CTNND2: variants seen among roughly 807,000 people sequenced by gnomAD.
The protein encoded by CTNND2 is catenin delta 2, also known as catenin delta-2.
CTNND2 carries 22 observed loss-of-function variants against 144.4 expected under a neutral mutation model. The observed-to-expected ratio is 0.15, with a 90% CI of 0.11 to 0.22. The LOEUF (loss-of-function observed/expected upper bound fraction) is 0.22, where lower values mean the gene tolerates loss of function less well. Among genes scored for constraint, CTNND2 ranks in the 10% least tolerant of loss-of-function variants. CTNND2 has a pLI of 1.00. For missense variants in CTNND2, 1,353 were observed against 1,618.8 expected, an observed-to-expected ratio of 0.84 and a Z score of 2.82; for synonymous variants, 751 against 695.6, an observed-to-expected ratio of 1.08 and a Z score of -1.25.
At chr5:11,492,523 G>A (rs1769508199) in intron 3 of CTNND2, among the ~76,000 whole-genome samples, 1 of 151,552 alleles carries the variant, frequency 6.6e-6, no homozygotes, top group South Asian at 2.1e-4. Flanking sequence ...GTGTGTGTGT[G>A]TGTGTGTGTG....
chr5:11,811,819 G>A (rs1792350011), intron 1 of CTNND2, among the ~76,000 whole-genome samples: 1 of 152,118 alleles, frequency 6.6e-6, no homozygotes, highest in Non-Finnish European at 1.5e-5. Flanking sequence ...TAGATCTACA[G>A]GTAAGCTGTT....
intron 5 of CTNND2, among the ~76,000 whole-genome samples, chr5:11,404,837 T>C (rs1760959986): frequency 6.6e-6 from 1 of 152,038 alleles, no homozygotes; most frequent in African/African-American, 2.4e-5. Context: ...CTCAAACTAC[T>C]GACCTCAAGT....
At chr5:11,836,654 T>C (rs532311487) in intron 1 of CTNND2, among the ~76,000 whole-genome samples, 1 of 152,214 alleles carries the variant, frequency 6.6e-6, no homozygotes, top group East Asian at 1.9e-4. Context: ...TCTTATCATG[T>C]GCTGATTAGA....
intron 8 of CTNND2, among the ~76,000 whole-genome samples, chr5:11,355,488 C>G (rs1755772255): frequency 6.6e-6 from 1 of 151,944 alleles, no homozygotes; most frequent in Admixed American, 6.6e-5. Flanking sequence ...AAAAAAAACT[C>G]TCAACAAATT....
intron 2 of CTNND2, among the ~76,000 whole-genome samples, chr5:11,578,671 A>C (rs753195903): frequency 2.0e-4 from 16 of 81,734 alleles, no homozygotes; most frequent in Non-Finnish European, 4.1e-4. Context: ...AAATACATGA[A>C]TAAATAAATA....
chr5:11,152,353 T>C (rs1345638705), intron 12 of CTNND2, among the ~76,000 whole-genome samples: 1 of 152,208 alleles, frequency 6.6e-6, no homozygotes, highest in Non-Finnish European at 1.5e-5. Flanking sequence ...TACTTACCAT[T>C]TGTGTTACAA....
chr5:11,295,916 G>C (rs1480438222), intron 9 of CTNND2, among the ~76,000 whole-genome samples: 1 of 152,062 alleles, frequency 6.6e-6, no homozygotes, highest in Non-Finnish European at 1.5e-5. Context: ...TCAGGACATA[G>C]GCATGGGCAA....
At chr5:11,278,918 C>G (rs1462091899) in intron 9 of CTNND2, among the ~76,000 whole-genome samples, 1 of 152,084 alleles carries the variant, frequency 6.6e-6, no homozygotes, top group African/African-American at 2.4e-5. Context: ...TGATGGCAGC[C>G]CTGGGGCTCA....
At position 11,090,651 on chromosome 5, in the gene CTNND2, C is replaced by T. The variant is rs114045578; in HGVS notation, c.2638-7805G>A. On this transcript the variant is annotated intron_variant, in intron 15 of 21. Coordinates refer to ENST00000304623, the MANE Select transcript of CTNND2 (RefSeq NM_001332.4). ...TTCATTCCAAAACTATTCCTCGCCC[C>T]ATTGGATCCACGGAAAAATTGTCTT... is the stretch of plus-strand genomic sequence containing the variant. 4.7e-3 allele frequency among the ~76,000 whole-genome samples: 719 copies of T among 152,286 alleles called. 8 individuals are homozygous for T. The highest frequency in any genetic ancestry group is 0.016 in the African/African-American group (678 of 41,558).
intron 11 of CTNND2, among the ~76,000 whole-genome samples, chr5:11,190,734 G>C (rs557222407): frequency 7.2e-5 from 11 of 152,302 alleles, no homozygotes; most frequent in Non-Finnish European, 1.5e-4. Context: ...AGCACAGGTA[G>C]AGTTGAGTAG....
At chr5:11,030,750 TTC>T (rs1743362516) in intron 16 of CTNND2, among the ~76,000 whole-genome samples, 1 of 139,102 alleles carries the variant, frequency 7.2e-6, no homozygotes, top group Non-Finnish European at 1.6e-5. Context: ...CAGCTATGGT[TTC>T]TGTTTTTTTT....
chr5:11,497,285 T>C (rs1172112460), intron 3 of CTNND2, among the ~76,000 whole-genome samples: 1 of 151,928 alleles, frequency 6.6e-6, no homozygotes, highest in Non-Finnish European at 1.5e-5. Context: ...AAGATGTCAC[T>C]TCTGAGTCAA....
At chr5:10,991,083 C>T (rs1346464731) in intron 19 of CTNND2, among the ~76,000 whole-genome samples, 2 of 152,198 alleles carry the variant, frequency 1.3e-5, no homozygotes, top group Admixed American at 6.5e-5. Context: ...GACGTTTCCA[C>T]AGGTACAGGG....
intron 3 of CTNND2, among the ~76,000 whole-genome samples, chr5:11,413,460 C>T (rs941367180): frequency 6.6e-6 from 1 of 152,144 alleles, no homozygotes; most frequent in Non-Finnish European, 1.5e-5. Context: ...TGGATCATTA[C>T]TTTTCAAGAA....
In CTNND2 at chr5:11,195,522, T is replaced by G. The variant is rs556701780; in HGVS notation, c.1975+3926A>C. On this transcript the variant is annotated intron_variant, in intron 11 of 21. Transcript: ENST00000304623. The stretch of plus-strand genomic sequence containing the variant: ...TATGGAGAAAGGAGGGAATTAATGA[T>G]GCCCGAAATGAAGGACAAGGTTAAG... 3.3e-5 allele frequency among the ~76,000 whole-genome samples: 5 copies of G among 152,290 alleles called. No homozygotes were observed. The South Asian group carries it at 1.0e-3, about 32-fold the overall frequency.
chr5:11,085,649 T>C (rs1750053521), intron 15 of CTNND2, among the ~76,000 whole-genome samples: 1 of 152,150 alleles, frequency 6.6e-6, no homozygotes, highest in Non-Finnish European at 1.5e-5. Flanking sequence ...AGATGGAATA[T>C]ATTTGAAAGA....
intron 12 of CTNND2, among the ~76,000 whole-genome samples, chr5:11,151,287 A>G (rs1757738549): frequency 6.6e-6 from 1 of 152,212 alleles, no homozygotes; most frequent in African/African-American, 2.4e-5. Context: ...CTTCTCCTCC[A>G]GGGAAGTTAC....
At chr5:11,021,821 G>C (rs1389478989) in intron 17 of CTNND2, among the ~76,000 whole-genome samples, 1 of 151,930 alleles carries the variant, frequency 6.6e-6, no homozygotes, top group African/African-American at 2.4e-5. Flanking sequence ...ATGGGGGGTG[G>C]GGGTGGCTTG....
intron 2 of CTNND2, among the ~76,000 whole-genome samples, chr5:11,661,453 C>CG (rs1166422422): frequency 6.6e-6 from 1 of 152,098 alleles, no homozygotes. Flanking sequence ...GCAACATCTA[C>CG]TTAACCTTCT....
Sources: gnomAD v4.1 joint callset for allele counts (sites outside exome capture counted in the v4.1 genomes callset) on GRCh38, gnomAD v4.1.1 for gene constraint, MANE v1.5 for transcripts, NCBI Gene and HGNC (gene_info 2026-07-23, HGNC 2026-07-21) for gene names.